OSBPL8: variants seen among roughly 807,000 people sequenced by gnomAD.
OSBPL8 encodes the protein oxysterol binding protein like 8.
In OSBPL8, 59 loss-of-function variants were observed where a neutral mutation model predicts 125.5. The ratio of observed to expected loss-of-function variants is 0.47; its 90% CI spans 0.38 to 0.58. OSBPL8 has a LOEUF of 0.58. Ranked by LOEUF, OSBPL8 falls within the 20% of genes least tolerant of loss-of-function variation. The pLI, the probability that OSBPL8 is intolerant of heterozygous loss-of-function variation, is 0.00. For synonymous variants in OSBPL8, 330 were observed against 338.9 expected (o/e 0.97, Z 0.29); for missense variants, 758 against 1,047.8 (o/e 0.72, Z 3.82).
At chr12:76,472,722 C>T (rs1210590415) in intron 2 of OSBPL8, among the ~76,000 whole-genome samples, 1 of 152,170 alleles carries the variant, frequency 6.6e-6, no homozygotes, top group East Asian at 1.9e-4. Context: ...ATATCAGAGA[C>T]TTTTAGTATT....
chr12:76,447,093 C>T (rs1038553876), intron 4 of OSBPL8, among the ~76,000 whole-genome samples: 4 of 152,178 alleles, frequency 2.6e-5, no homozygotes, highest in African/African-American at 9.7e-5. Flanking sequence ...TATAAAATCA[C>T]TATTTTTCAA....
At chr12:76,446,651 A>G (rs1565903561) in intron 4 of OSBPL8, among the ~76,000 whole-genome samples, 1 of 152,162 alleles carries the variant, frequency 6.6e-6, no homozygotes, top group Non-Finnish European at 1.5e-5. Context: ...ACCCAAATGG[A>G]ATCATTTTTT....
At position 76,386,570 on chromosome 12, in the gene OSBPL8, CATT is replaced by C; in HGVS notation, c.1434+6_1434+8del. ...CTAAAGACAATAAAATGTAAACAAA[CATT>C]ATTACCTTTGGCTTTTTATAGAATC... On this transcript the variant is annotated splice_donor_region_variant and intron_variant, in intron 13 of 23. Coordinates refer to ENST00000261183, the MANE Select transcript of OSBPL8 (RefSeq NM_020841.5). 6.4e-7 allele frequency: 1 copy of C among 1,573,176 alleles called. No individual in the cohort carries two copies. Among genetic ancestry groups the C allele is most frequent in the African/African-American group, 1.4e-5 (1 of 73,650 alleles).
intron 1 of OSBPL8, among the ~76,000 whole-genome samples, chr12:76,504,239 ATG>A (rs1415465263): frequency 6.6e-6 from 1 of 152,056 alleles, no homozygotes; most frequent in South Asian, 2.1e-4. Flanking sequence ...TTGTGTGTGT[ATG>A]TGTGTGTGTC....
At chr12:76,539,118 C>A (rs1436767150) in intron 1 of OSBPL8, among the ~76,000 whole-genome samples, 1 of 149,850 alleles carries the variant, frequency 6.7e-6, no homozygotes, top group African/African-American at 2.5e-5. Context: ...TTTTGAACCA[C>A]CTACCTTAAA....
intron 1 of OSBPL8, among the ~76,000 whole-genome samples, chr12:76,490,070 G>A (rs1409743222): frequency 6.6e-6 from 1 of 152,222 alleles, no homozygotes; most frequent in East Asian, 1.9e-4. Flanking sequence ...GGAGTCTGAA[G>A]ATGTAACTGA....
At chr12:76,358,223 A>C (rs1229714748) in intron 22 of OSBPL8, among the ~76,000 whole-genome samples, 1 of 119,274 alleles carries the variant, frequency 8.4e-6, no homozygotes, top group Non-Finnish European at 1.6e-5. Context: ...TTTGTCACCC[A>C]GGCTGGAGTG....
intron 1 of OSBPL8, among the ~76,000 whole-genome samples, chr12:76,503,795 G>A (rs370853390): frequency 2.6e-5 from 4 of 151,888 alleles, no homozygotes; most frequent in African/African-American, 9.7e-5. Context: ...CACCTGCCTC[G>A]GCCTCCCAAA....
At position 76,518,116 on chromosome 12, in the gene OSBPL8, C is replaced by T. The variant is rs138980497; in HGVS notation, c.-67-30498G>A. ...CTCAATGAAAAGTCTGAAGTCTTAT[C>T]CAAGACTCAAGTCAAATTCCTTCCA... is the stretch of plus-strand genomic sequence containing the variant. On this transcript the variant is annotated intron_variant, in intron 1 of 23. Coordinates refer to ENST00000261183, the MANE Select transcript of OSBPL8 (RefSeq NM_020841.5). Among the ~76,000 whole-genome samples the T allele has an allele frequency of 1.6e-3, 237 of 152,252 alleles. 7 individuals carry two copies. The East Asian group carries it at 0.042, about 27-fold the overall frequency.
chr12:76,392,703 A>T lies in OSBPL8; in HGVS notation c.807T>A (p.Leu269=). 1 of 1,613,986 alleles carries T rather than the reference A, an allele frequency of 6.2e-7. No individual in the cohort carries two copies. Among genetic ancestry groups the T allele is most frequent in the Non-Finnish European group, 8.5e-7 (1 of 1,179,896 alleles). Residue 269 remains leucine (L), a synonymous_variant, in exon 10 of 24, where the codon CTT becomes CTA. Coordinates refer to ENST00000261183, the MANE Select transcript of OSBPL8 (RefSeq NM_020841.5). ...ALELALKCSS[L]LKRTMIREGK... is the part of the protein sequence containing the mutation. ...CTTCTCTGATCATTGTACGTTTAAGAAGACTAGAACATTTCAAAGCCAACT... is the reference window on the plus strand; with the variant it reads ...CTTCTCTGATCATTGTACGTTTAAGTAGACTAGAACATTTCAAAGCCAACT...
chr12:76,403,529 G>A (rs1002924549), intron 5 of OSBPL8, among the ~76,000 whole-genome samples: 23 of 152,122 alleles, frequency 1.5e-4, no homozygotes, highest in African/African-American at 5.3e-4. Flanking sequence ...CTAATGCAAT[G>A]CTTGTTTAAA....
chr12:76,550,332 A>G (rs2092380834), intron 1 of OSBPL8, among the ~76,000 whole-genome samples: 1 of 152,222 alleles, frequency 6.6e-6, no homozygotes, highest in African/African-American at 2.4e-5. Context: ...CAGGGACAGA[A>G]AAGGAATAAT....
At chr12:76,376,224 T>A (rs1952813808) in intron 16 of OSBPL8, among the ~76,000 whole-genome samples, 1 of 152,206 alleles carries the variant, frequency 6.6e-6, no homozygotes, top group African/African-American at 2.4e-5. Flanking sequence ...CAAAATAAGT[T>A]CTGTGGTTAA....
At chr12:76,363,168 T>C (rs1952274534) in intron 21 of OSBPL8, among the ~76,000 whole-genome samples, 1 of 152,222 alleles carries the variant, frequency 6.6e-6, no homozygotes, top group African/African-American at 2.4e-5. Flanking sequence ...CTTCACAGAA[T>C]TAGAAAAAAC....
chr12:76,489,076 G>A (rs1878450629), intron 1 of OSBPL8, among the ~76,000 whole-genome samples: 1 of 152,152 alleles, frequency 6.6e-6, no homozygotes, highest in Admixed American at 6.5e-5. Context: ...TATAGGCAAG[G>A]CCCTAACTCT....
At chr12:76,448,149 T>A (rs907429430) in intron 4 of OSBPL8, among the ~76,000 whole-genome samples, 3 of 152,180 alleles carry the variant, frequency 2.0e-5, no homozygotes, top group Non-Finnish European at 4.4e-5. Flanking sequence ...TCATGAAGTC[T>A]GTAATTTACT....
chr12:76,385,979 T>C, intron 14 of OSBPL8, 189 bp downstream of exon 14: 2 of 720,446 alleles, frequency 2.8e-6, no homozygotes, highest in East Asian at 3.7e-5. Context: ...TCCATGACTG[T>C]AATAATAGTA....
In OSBPL8 at chr12:76,548,525, C is replaced by G. The variant is rs552797605; in HGVS notation, c.-68+10872G>C. Among the ~76,000 whole-genome samples the G allele has an allele frequency of 4.0e-4, 61 of 151,990 alleles. 1 individual carries two copies. In the South Asian group the frequency reaches 0.012, roughly 31 times the overall value. ...AAACAACTGACATTTTACCTCCAGG[C>G]AAAAAAACAAGTCAGCTTTTCCCTA... On this transcript the variant is annotated intron_variant, in intron 1 of 23. Transcript: ENST00000261183.
intron 1 of OSBPL8, among the ~76,000 whole-genome samples, chr12:76,529,602 G>C (rs1357121288): frequency 1.3e-5 from 2 of 151,836 alleles, no homozygotes; most frequent in Non-Finnish European, 2.9e-5. Context: ...ATCTGTATCT[G>C]AATACATCGT....
Sources: gnomAD v4.1 joint callset for allele counts (sites outside exome capture counted in the v4.1 genomes callset) on GRCh38, gnomAD v4.1.1 for gene constraint, MANE v1.5 for transcripts, NCBI Gene and HGNC (gene_info 2026-07-23, HGNC 2026-07-21) for gene names.